The following PSTPIP2 variants were observed in gnomAD, a reference collection of about 807,000 sequenced individuals.
PSTPIP2 encodes proline-serine-threonine phosphatase-interacting protein 2.
Under a neutral mutation model 63.3 loss-of-function variants are expected in PSTPIP2, and 33 were observed. The ratio of observed to expected loss-of-function variants is 0.52; its 90% CI spans 0.40 to 0.70. The LOEUF is 0.70. Ranked by LOEUF, PSTPIP2 falls within the 30% of genes least tolerant of loss-of-function variation. The pLI is 0.00. For synonymous variants in PSTPIP2, 125 were observed against 132.7 expected, an observed-to-expected ratio of 0.94 and a Z score of 0.40; for missense variants, 312 against 400.7, an observed-to-expected ratio of 0.78 and a Z score of 1.89.
chr18:45,991,814 G>T, intron 12 of PSTPIP2, 88 bp downstream of exon 12: 1 of 1,294,218 alleles, frequency 7.7e-7, no homozygotes, highest in African/African-American at 1.5e-5. Flanking sequence ...TAGTAGATAT[G>T]TTCCAATTCT....
At chr18:46,002,763 C>G (rs2051680437) in intron 6 of PSTPIP2, among the ~76,000 whole-genome samples, 1 of 147,198 alleles carries the variant, frequency 6.8e-6, no homozygotes, top group East Asian at 2.0e-4. Context: ...CAAGGCCAGC[C>G]TGGGCAACAT....
At chr18:46,031,030 A>G (rs1907772792) in intron 2 of PSTPIP2, among the ~76,000 whole-genome samples, 1 of 152,222 alleles carries the variant, frequency 6.6e-6, no homozygotes, top group African/African-American at 2.4e-5. Context: ...ATTACTGTGT[A>G]TCAGAGTTTC....
intron 2 of PSTPIP2, among the ~76,000 whole-genome samples, chr18:46,032,718 C>A (rs1907825452): frequency 7.4e-6 from 1 of 134,658 alleles, no homozygotes; most frequent in African/African-American, 2.9e-5. Flanking sequence ...CATGCCATTG[C>A]ACTCTAGCTT....
chr18:45,992,256 C>T (rs78858602), intron 10 of PSTPIP2, 54 bp from the exon 11 acceptor site: 41,293 of 1,435,264 alleles, frequency 0.029, 756 homozygotes, highest in African/African-American at 0.087. Flanking sequence ...CATTGTGACA[C>T]AGCTCCTTAA....
chr18:46,021,983 G>C (rs1218665164), intron 3 of PSTPIP2, among the ~76,000 whole-genome samples: 1 of 149,758 alleles, frequency 6.7e-6, no homozygotes, highest in Non-Finnish European at 1.5e-5. Flanking sequence ...CATTTACATT[G>C]TTAATAATTG....
intron 3 of PSTPIP2, among the ~76,000 whole-genome samples, chr18:46,016,404 C>T (rs1333577854): frequency 1.3e-5 from 2 of 152,140 alleles, no homozygotes; most frequent in Non-Finnish European, 1.5e-5. Flanking sequence ...AATATGAATA[C>T]AAGGCAACAA....
intron 3 of PSTPIP2, among the ~76,000 whole-genome samples, chr18:46,024,330 G>A (rs1907498708): frequency 6.6e-6 from 1 of 151,998 alleles, no homozygotes; most frequent in South Asian, 2.1e-4. Flanking sequence ...TAGGGATGGG[G>A]TTTTGCCAAG....
chr18:46,067,732 G>C (rs1033182447), intron 1 of PSTPIP2, among the ~76,000 whole-genome samples: 2 of 152,152 alleles, frequency 1.3e-5, no homozygotes, highest in African/African-American at 4.8e-5. Flanking sequence ...GGCTATTTCT[G>C]TATCACCTCT....
At position 46,015,804 on chromosome 18, in the gene PSTPIP2, C is replaced by T. The variant is rs1259960153; in HGVS notation, c.247+99G>A. On this transcript the variant is annotated intron_variant, in intron 4 of 14. Coordinates refer to ENST00000409746, the MANE Select transcript of PSTPIP2 (RefSeq NM_024430.4). ...GGAGTTGCTCTAATTTTTTTTCACC[C>T]ACTATGAAACTGCTGTTCAAATTAA... 8.2e-6 allele frequency: 11 copies of T among 1,337,750 alleles called. No homozygotes were observed. In the East Asian group the frequency reaches 2.3e-4, roughly 27 times the overall value. The allele number at this position is 1,337,750 out of a possible 1,614,324, so 82.9% of individuals were successfully genotyped here. A position where few individuals can be genotyped will look rare whatever the true frequency, so the allele number is the denominator to read the frequency against.
At chr18:46,002,534 G>A (rs1306632842) in intron 6 of PSTPIP2, among the ~76,000 whole-genome samples, 1 of 151,608 alleles carries the variant, frequency 6.6e-6, no homozygotes, top group Non-Finnish European at 1.5e-5. Context: ...CCACATATTG[G>A]GTTTTCTAAA....
At chr18:46,051,367 T>C (rs759093359) in intron 1 of PSTPIP2, among the ~76,000 whole-genome samples, 10 of 151,880 alleles carry the variant, frequency 6.6e-5, no homozygotes, top group Non-Finnish European at 1.3e-4. Flanking sequence ...CCCAGCTACA[T>C]GGGAGGCTGA....
chr18:45,989,877 C>T (rs1215033292), intron 13 of PSTPIP2: 3 of 152,520 alleles, frequency 2.0e-5, no homozygotes, highest in African/African-American at 4.8e-5. Context: ...CTTAGCCAGC[C>T]GGATGCACCG....
chr18:46,027,734 T>G (rs531952480), intron 2 of PSTPIP2, among the ~76,000 whole-genome samples: 40 of 152,264 alleles, frequency 2.6e-4, no homozygotes, highest in African/African-American at 9.1e-4. Flanking sequence ...TTTAATCTGA[T>G]TTTAATTTCA....
chr18:45,995,087 G>T (rs890859466), intron 9 of PSTPIP2, among the ~76,000 whole-genome samples: 1 of 151,972 alleles, frequency 6.6e-6, no homozygotes, highest in African/African-American at 2.4e-5. Context: ...TGGGGAAGGG[G>T]TTGTTTCGTT....
chr18:45,992,058 C>G (rs368472351), intron 11 of PSTPIP2, 48 bp downstream of exon 11: 3 of 1,594,820 alleles, frequency 1.9e-6, no homozygotes, highest in Non-Finnish European at 2.6e-6. Flanking sequence ...ACAAGAAAGG[C>G]TAATAGAATT....
At chr18:46,023,188 G>A (rs183552064) in intron 3 of PSTPIP2, among the ~76,000 whole-genome samples, 16 of 152,292 alleles carry the variant, frequency 1.1e-4, no homozygotes, top group Admixed American at 1.0e-3. Flanking sequence ...CCTGGGCGAT[G>A]AAATAATATG....
intron 1 of PSTPIP2, among the ~76,000 whole-genome samples, chr18:46,062,487 A>AAAGAAAAAG (rs1640531713): frequency 6.6e-6 from 1 of 151,930 alleles, no homozygotes; most frequent in Admixed American, 6.6e-5. Context: ...CTAAAAAGAA[A>AAAGAAAAAG]AAGAAAAAGA....
intron 14 of PSTPIP2, among the ~76,000 whole-genome samples, chr18:45,986,805 C>A (rs1188461837): frequency 6.6e-6 from 1 of 152,174 alleles, no homozygotes; most frequent in East Asian, 1.9e-4. Context: ...TTATATTAAG[C>A]AATTTAAGGA....
chr18:46,022,091 A>T (rs1033998000), intron 3 of PSTPIP2, among the ~76,000 whole-genome samples: 1 of 152,088 alleles, frequency 6.6e-6, no homozygotes, highest in African/African-American at 2.4e-5. Context: ...TGATTTTTAA[A>T]TTTTCATTTA....
Sources: allele counts gnomAD v4.1 joint callset (sites outside exome capture counted in the v4.1 genomes callset), GRCh38; gene constraint gnomAD v4.1.1; transcripts MANE v1.5; gene names NCBI Gene and HGNC (gene_info 2026-07-23, HGNC 2026-07-21).